ARHGEF4: variants seen among roughly 807,000 people sequenced by gnomAD.
The protein encoded by ARHGEF4 is APC-stimulated guanine nucleotide exchange factor 1.
ARHGEF4 carries 119 observed loss-of-function variants against 162.0 expected under a neutral mutation model. The observed-to-expected ratio is 0.73, with a 90% CI of 0.63 to 0.86. The LOEUF is 0.86. Among genes scored for constraint, ARHGEF4 ranks in the 40% least tolerant of loss-of-function variants. The probability of loss-of-function intolerance (pLI) is 0.00; values close to 1 mark genes in which losing one functional copy is unlikely to be tolerated. For synonymous variants in ARHGEF4, 1,014 were observed against 979.9 expected (o/e 1.03, Z -0.65); for missense variants, 2,488 against 2,456.0 (o/e 1.01, Z -0.28).
intron 4 of ARHGEF4, among the ~76,000 whole-genome samples, chr2:130,980,002 G>A (rs1686019303): frequency 6.6e-6 from 1 of 152,144 alleles, no homozygotes. Flanking sequence ...GTTACTGCCA[G>A]CAACACTTCA....
chr2:131,025,074 A>G (rs1177493364), intron 4 of ARHGEF4, among the ~76,000 whole-genome samples: 2 of 152,096 alleles, frequency 1.3e-5, no homozygotes, highest in African/African-American at 4.8e-5. Flanking sequence ...CCTATAAAAA[A>G]ATACCTGAGA....
intron 1 of ARHGEF4, among the ~76,000 whole-genome samples, chr2:130,853,287 G>GC (rs2104890472): frequency 6.6e-6 from 1 of 152,316 alleles, no homozygotes; most frequent in Admixed American, 6.5e-5. Flanking sequence ...GGAGGAGGGA[G>GC]CCCTGAGCCT....
At chr2:131,018,445 GTTTGT>G (rs956993288) in intron 4 of ARHGEF4, among the ~76,000 whole-genome samples, 1 of 151,972 alleles carries the variant, frequency 6.6e-6, no homozygotes, top group African/African-American at 2.4e-5. Flanking sequence ...TGAGTTTTTT[GTTTGT>G]TTTGTTTTTT....
In ARHGEF4 at chr2:130,914,184, T is replaced by C. The variant is rs564160225; in HGVS notation, c.238T>C (p.Leu80=). 1 of 1,536,098 alleles carries C rather than the reference T, an allele frequency of 6.5e-7. No individual in the cohort carries two copies. The highest frequency in any genetic ancestry group is 1.2e-5 in the South Asian group (1 of 84,048). The stretch of plus-strand genomic sequence containing the variant: ...TGAAAGTGCCTCTGACACAGAGTCC[T>C]TGTCTGGGTACCTCCCGAGGGGAGT... ...PFESASDTES[L]SGYLPRGVFH... Residue 80 remains leucine (L), a synonymous_variant, in exon 2 of 14, where the codon TTG becomes CTG. Transcript: ENST00000409359.
intron 5 of ARHGEF4, among the ~76,000 whole-genome samples, chr2:131,036,149 C>T (rs1015382724): frequency 2.6e-5 from 4 of 152,234 alleles, no homozygotes; most frequent in African/African-American, 4.8e-5. Context: ...GCTGTGCCTA[C>T]GAGCACCAAA....
intron 3 of ARHGEF4, among the ~76,000 whole-genome samples, chr2:130,938,566 T>G (rs991406160): frequency 2.6e-5 from 4 of 152,168 alleles, no homozygotes; most frequent in African/African-American, 9.7e-5. Flanking sequence ...GGCAAGGCAT[T>G]TTTTTAATGT....
chr2:131,036,913 G>A (rs1690330230), intron 5 of ARHGEF4, among the ~76,000 whole-genome samples: 1 of 152,132 alleles, frequency 6.6e-6, no homozygotes, highest in Non-Finnish European at 1.5e-5. Flanking sequence ...GCCTCAGCGG[G>A]GTGAGCCAGC....
chr2:130,996,611 T>G (rs1687409634), intron 4 of ARHGEF4, among the ~76,000 whole-genome samples: 2 of 152,188 alleles, frequency 1.3e-5, no homozygotes, highest in Non-Finnish European at 2.9e-5. Flanking sequence ...AAATCTAGTG[T>G]TGTAAATGTC....
chr2:131,040,413 C>T lies in ARHGEF4; in HGVS notation c.4635C>T (p.Ser1545=). The T allele has an allele frequency of 1.2e-6, 2 of 1,601,648 alleles. No individual in the cohort carries two copies. The highest frequency in any genetic ancestry group is 1.7e-6 in the Non-Finnish European group (2 of 1,174,410). The stretch of plus-strand genomic sequence containing the variant: ...TCAACCGCGAGCGCCCACACCTGAG[C>T]GAGCTGGGTGCCTGCTTCCTGGAGC... The part of the protein sequence containing the change: ...QRFNRERPHL[S]ELGACFLEHQ... The change falls in exon 8 of 14, where the codon AGC becomes AGT. Residue 1545 remains serine, a synonymous_variant. Coordinates refer to ENST00000409359, the MANE Select transcript of ARHGEF4 (RefSeq NM_001367493.1).
rs1174959354 is a variant in ARHGEF4 at position 131,047,025 on chromosome 2, G to A, written c.*836G>A. The A allele has an allele frequency of 1.3e-5, 2 of 152,554 alleles. No homozygotes were observed. The highest frequency in any genetic ancestry group is 2.4e-5 in the African/African-American group (1 of 41,466). 9.5% of individuals were successfully genotyped at this position (152,554 alleles called of 1,614,324 possible). A position where few individuals can be genotyped will look rare whatever the true frequency, so the allele number is the denominator to read the frequency against. On this transcript the variant is annotated 3_prime_UTR_variant, in exon 14 of 14. Transcript: ENST00000409359. Reference sequence around the variant, plus strand: ...CGCTCGTGAGCGTGAGAAGCCATAAGAGAGAGACCGAATTCTGTGGCTCAG... The same window carrying A: ...CGCTCGTGAGCGTGAGAAGCCATAAAAGAGAGACCGAATTCTGTGGCTCAG...
intron 4 of ARHGEF4, among the ~76,000 whole-genome samples, chr2:130,969,523 CG>C (rs940176622): frequency 1.6e-4 from 25 of 151,708 alleles, no homozygotes; most frequent in African/African-American, 5.8e-4. Context: ...GGCATGAATC[CG>C]GGAGGTGGAG....
chr2:130,991,700 T>A (rs1399464426), intron 4 of ARHGEF4, among the ~76,000 whole-genome samples: 3 of 152,224 alleles, frequency 2.0e-5, no homozygotes, highest in Non-Finnish European at 2.9e-5. Flanking sequence ...GCCTCGGGAC[T>A]GCAGCCCGCC....
At position 131,041,557 on chromosome 2, in the gene ARHGEF4, C is replaced by T. The variant is rs1690811355; in HGVS notation, c.4895+95C>T. On this transcript the variant is annotated intron_variant, in intron 9 of 13. Transcript: ENST00000409359. ...AGCAGTGTGCTGGGCACTGCTGCAG[C>T]CCTGGGGCAACACACAGAAAACTAG... 11 of 1,327,962 alleles carry T rather than the reference C, an allele frequency of 8.3e-6. No homozygotes were observed. The South Asian group carries it at 1.6e-4, about 19-fold the overall frequency. 82.3% of individuals were successfully genotyped at this position (1,327,962 alleles called of 1,614,324 possible).
intron 6 of ARHGEF4, chr2:131,039,594 G>A (rs1416366876): frequency 1.9e-6 from 2 of 1,042,856 alleles, no homozygotes; most frequent in Non-Finnish European, 2.3e-6. Context: ...TGCTCCTCCT[G>A]CCCCAGATCC....
intron 4 of ARHGEF4, among the ~76,000 whole-genome samples, chr2:130,990,736 A>G (rs965635498): frequency 6.6e-6 from 1 of 152,160 alleles, no homozygotes; most frequent in African/African-American, 2.4e-5. Context: ...ATTGGGACCC[A>G]TGCAAGGCTT....
intron 1 of ARHGEF4, among the ~76,000 whole-genome samples, chr2:130,892,961 C>A (rs536530181): frequency 7.9e-5 from 12 of 152,208 alleles, no homozygotes; most frequent in Admixed American, 7.8e-4. Context: ...CTCAGAAAGG[C>A]GTTGGTTTAC....
intron 1 of ARHGEF4, among the ~76,000 whole-genome samples, chr2:130,899,103 C>T (rs1407838515): frequency 2.0e-5 from 3 of 152,224 alleles, no homozygotes; most frequent in Admixed American, 6.5e-5. Flanking sequence ...CTGCCTTCCT[C>T]TTCTGCTTCT....
chr2:130,914,888 A>C lies in ARHGEF4; in HGVS notation c.942A>C (p.Glu314Asp), dbSNP rs1486067684. 6.7e-7 allele frequency: 1 copy of C among 1,498,042 alleles called. No homozygotes were observed. Among genetic ancestry groups the C allele is most frequent in the Admixed American group, 2.2e-5 (1 of 44,932 alleles). 92.8% of individuals were successfully genotyped at this position (1,498,042 alleles called of 1,614,324 possible). A position where few individuals can be genotyped will look rare whatever the true frequency, so the allele number is the denominator to read the frequency against. The change falls in exon 2 of 14, where the codon GAA becomes GAC. Residue 314 changes from glutamate (E) to aspartate (D), a missense_variant. By Grantham distance (45) the Glu-to-Asp change is conservative (BLOSUM62 2). This residue lies in a region of ARHGEF4 where 1,642 missense variants were observed against 1,481.5 expected (regional missense o/e 1.11). Transcript: ENST00000409359. Reference protein sequence around the residue: ...LRTNRHHSAPETTGDKNRASP... With the variant: ...LRTNRHHSAPDTTGDKNRASP... ...CCAACCGTCACCATAGTGCCCCAGA[A>C]ACTACTGGTGACAAGAACAGGGCAT...
chr2:130,924,778 A>G (rs1453294922), intron 2 of ARHGEF4, among the ~76,000 whole-genome samples: 2 of 152,124 alleles, frequency 1.3e-5, no homozygotes, highest in Non-Finnish European at 2.9e-5. Flanking sequence ...GGCAAGAGGA[A>G]TGAGAGGAGA....
Sources: gnomAD v4.1 joint callset for allele counts (sites outside exome capture counted in the v4.1 genomes callset) on GRCh38, gnomAD v4.1.1 for gene constraint, gnomAD v4.1.1 regional missense constraint, MANE v1.5 for transcripts, NCBI Gene and HGNC (gene_info 2026-07-23, HGNC 2026-07-21) for gene names.